PATJ: variants seen among roughly 807,000 people sequenced by gnomAD.
The protein encoded by PATJ is inaD-like protein.
PATJ carries 190 observed loss-of-function variants against 224.9 expected under a neutral mutation model. The ratio of observed to expected loss-of-function variants is 0.84; its 90% CI spans 0.75 to 0.95. PATJ has a LOEUF of 0.95. PATJ is among the 40% of genes least tolerant of loss of function. The probability of loss-of-function intolerance (pLI) is 0.00; values close to 1 mark genes in which losing one functional copy is unlikely to be tolerated. For missense variants in PATJ, 2,121 were observed against 2,270.3 expected (o/e 0.93, Z 1.34); for synonymous variants, 769 against 820.3 (o/e 0.94, Z 1.07).
intron 29 of PATJ, among the ~76,000 whole-genome samples, chr1:62,032,078 GA>G (rs1327581529): frequency 6.6e-6 from 1 of 151,994 alleles, no homozygotes; most frequent in Admixed American, 6.6e-5. Context: ...ATGCTGGCAT[GA>G]CAAGCCATGG....
chr1:62,008,651 A>G (rs982102404), intron 28 of PATJ, among the ~76,000 whole-genome samples: 1 of 152,112 alleles, frequency 6.6e-6, no homozygotes, highest in Admixed American at 6.6e-5. Context: ...CAGGAAGCTG[A>G]GGTGGGAGGA....
chr1:61,809,489 G>A (rs1000235370), intron 14 of PATJ, among the ~76,000 whole-genome samples: 3 of 150,842 alleles, frequency 2.0e-5, no homozygotes, highest in Non-Finnish European at 2.9e-5. Context: ...CCGGGTTCAA[G>A]CGATTCTCCT....
intron 27 of PATJ, among the ~76,000 whole-genome samples, chr1:61,960,532 G>A (rs1405137066): frequency 6.6e-6 from 1 of 151,428 alleles, no homozygotes; most frequent in Non-Finnish European, 1.5e-5. Flanking sequence ...GTATGGTGGT[G>A]GGCACCTGTA....
chr1:61,904,351 G>A lies in PATJ; in HGVS notation c.3381+2892G>A, dbSNP rs191372802. 3.0e-4 allele frequency among the ~76,000 whole-genome samples: 45 copies of A among 151,988 alleles called. No homozygotes were observed. In the East Asian group the frequency reaches 6.0e-3, roughly 20 times the overall value. On this transcript the variant is annotated intron_variant, in intron 24 of 43. Coordinates refer to ENST00000642238, the MANE Select transcript of PATJ (RefSeq NM_001350145.3). ...GGGAAGTCCCATGTACCTTTCACTC[G>A]GTCACCTCCAATTTTAATATCTTAT... is the stretch of plus-strand genomic sequence containing the variant.
intron 28 of PATJ, among the ~76,000 whole-genome samples, chr1:61,990,721 A>G (rs539549500): frequency 8.5e-5 from 13 of 152,238 alleles, no homozygotes; most frequent in African/African-American, 3.1e-4. Flanking sequence ...TTAGTCATAC[A>G]TGTAACTGTT....
chr1:62,157,454 T>C (rs1266491204), intron 43 of PATJ, among the ~76,000 whole-genome samples: 3 of 148,178 alleles, frequency 2.0e-5, no homozygotes, highest in East Asian at 1.9e-4. Context: ...TTTGGGCGTA[T>C]AGAAGTTGAG....
At position 61,946,234 on chromosome 1, in the gene PATJ, G is replaced by A. The variant is rs1368746120; in HGVS notation, c.3670+18405G>A. ...CTAAGATCAGAGCAGAACTGAAGGA[G>A]ATAGAGACACAAAAAACCCTTCAAA... On this transcript the variant is annotated intron_variant, in intron 27 of 43. Coordinates refer to ENST00000642238, the MANE Select transcript of PATJ (RefSeq NM_001350145.3). Among the ~76,000 whole-genome samples the A allele has an allele frequency of 2.0e-4, 30 of 152,026 alleles. 1 individual carries two copies. Among genetic ancestry groups the A allele is most frequent in the Non-Finnish European group, 1.5e-5 (1 of 67,984 alleles).
At position 62,080,422 on chromosome 1, in the gene PATJ, C is replaced by A. The variant is rs569341184; in HGVS notation, c.4243+855C>A. ...TCTCAGCTCACTGCAACCTCTGCCT[C>A]CTGGGTTCAAGTGATTCTCCTGCCT... On this transcript the variant is annotated intron_variant, in intron 32 of 43. Transcript: ENST00000642238. 3.5e-3 allele frequency among the ~76,000 whole-genome samples: 534 copies of A among 152,128 alleles called. 2 individuals are homozygous for A. Among genetic ancestry groups the A allele is most frequent in the African/African-American group, 0.012 (514 of 41,494 alleles).
chr1:61,943,238 G>C (rs1044063262), intron 27 of PATJ, among the ~76,000 whole-genome samples: 1 of 152,176 alleles, frequency 6.6e-6, no homozygotes, highest in Non-Finnish European at 1.5e-5. Flanking sequence ...GTGGTACCGG[G>C]TTCATCTCAC....
chr1:62,008,239 C>T (rs1046593034), intron 28 of PATJ, among the ~76,000 whole-genome samples: 1 of 152,120 alleles, frequency 6.6e-6, no homozygotes, highest in Non-Finnish European at 1.5e-5. Flanking sequence ...CTTGGCTGCC[C>T]ACCATAAAGG....
chr1:61,779,642 C>A (rs1434908511), intron 7 of PATJ, among the ~76,000 whole-genome samples: 1 of 152,176 alleles, frequency 6.6e-6, no homozygotes, highest in Non-Finnish European at 1.5e-5. Context: ...GTATTCATTA[C>A]CCCCAGCAGA....
At chr1:61,850,788 G>A (rs1662695328) in intron 17 of PATJ, among the ~76,000 whole-genome samples, 1 of 152,202 alleles carries the variant, frequency 6.6e-6, no homozygotes, top group South Asian at 2.1e-4. Context: ...CCAGGAAAGT[G>A]GGGATAATGT....
intron 27 of PATJ, among the ~76,000 whole-genome samples, chr1:61,946,031 G>A (rs1296332268): frequency 2.0e-5 from 3 of 152,070 alleles, no homozygotes; most frequent in Admixed American, 6.6e-5. Context: ...GAACAAAGAC[G>A]CAACATACCA....
rs1000158139 is a variant in PATJ, at chr1:61,896,310, T to A, written c.3132-3273T>A. 4.1e-4 allele frequency among the ~76,000 whole-genome samples: 52 copies of A among 128,218 alleles called. 1 individual carries two copies. The East Asian group carries it at 0.011, about 27-fold the overall frequency. The allele number at this position is 128,218 out of a possible 152,430, so 84.1% of individuals were successfully genotyped here. A position where few individuals can be genotyped will look rare whatever the true frequency, so the allele number is the denominator to read the frequency against. The stretch of plus-strand genomic sequence containing the variant: ...GACTCCATCTCAAAAAAAAAAAAAA[T>A]TTAATGACTACCCCACTAGGTTTTG... On this transcript the variant is annotated intron_variant, in intron 22 of 43. Coordinates refer to ENST00000642238, the MANE Select transcript of PATJ (RefSeq NM_001350145.3).
chr1:61,984,170 T>A (rs927324888), intron 27 of PATJ, among the ~76,000 whole-genome samples: 44 of 143,954 alleles, frequency 3.1e-4, no homozygotes, highest in Non-Finnish European at 1.1e-4. Context: ...TATTATTTTT[T>A]TTTTTTTTGA....
At chr1:61,844,571 C>T (rs143467335) in intron 17 of PATJ, among the ~76,000 whole-genome samples, 86 of 152,148 alleles carry the variant, frequency 5.7e-4, no homozygotes, top group Admixed American at 1.4e-3. Flanking sequence ...ATTTTATTAC[C>T]GTGTATTGTT....
At chr1:61,912,767 T>C (rs1166874307) in intron 25 of PATJ, among the ~76,000 whole-genome samples, 1 of 151,758 alleles carries the variant, frequency 6.6e-6, no homozygotes, top group Non-Finnish European at 1.5e-5. Context: ...GCAGCTGACA[T>C]TCTGTCTCAT....
chr1:61,997,710 T>G (rs1645449087), intron 28 of PATJ, among the ~76,000 whole-genome samples: 1 of 151,934 alleles, frequency 6.6e-6, no homozygotes, highest in Non-Finnish European at 1.5e-5. Context: ...CAGTACTAGT[T>G]TAAAACACCC....
At chr1:62,013,494 G>A (rs914211225) in intron 28 of PATJ, 3 of 985,336 alleles carry the variant, frequency 3.0e-6, no homozygotes, top group Non-Finnish European at 3.6e-6. Flanking sequence ...AGAGGAGGAT[G>A]TTGGCTCCTG....
Sources: allele counts gnomAD v4.1 joint callset (sites outside exome capture counted in the v4.1 genomes callset), GRCh38; gene constraint gnomAD v4.1.1; transcripts MANE v1.5; gene names NCBI Gene and HGNC (gene_info 2026-07-23, HGNC 2026-07-21).